CYP27A1: variants seen among roughly 807,000 people sequenced by gnomAD.
The protein encoded by CYP27A1 is cytochrome P450 family 27 subfamily A member 1, also known as sterol 26-hydroxylase, mitochondrial.
A neutral mutation model predicts 58.2 loss-of-function variants in CYP27A1; 46 were observed. The ratio of observed to expected loss-of-function variants is 0.79; its 90% CI spans 0.62 to 1.01. The LOEUF is 1.01. CYP27A1 is among the 50% of genes least tolerant of loss of function. The probability of loss-of-function intolerance (pLI) is 0.00; values close to 1 mark genes in which losing one functional copy is unlikely to be tolerated. For synonymous variants in CYP27A1, 274 were observed against 285.1 expected, an observed-to-expected ratio of 0.96 and a Z score of 0.39; for missense variants, 704 against 687.0, an observed-to-expected ratio of 1.02 and a Z score of -0.28.
At chr2:218,787,570 C>T (rs1943451908) in intron 1 of CYP27A1, among the ~76,000 whole-genome samples, 1 of 152,184 alleles carries the variant, frequency 6.6e-6, no homozygotes. Flanking sequence ...GAAACTCGAT[C>T]TCCAATGCAA....
chr2:218,812,141 T>C, intron 2 of CYP27A1, 81 bp from the exon 3 acceptor site: 2 of 1,048,458 alleles, frequency 1.9e-6, no homozygotes, highest in East Asian at 4.8e-5. Context: ...GAGGGGGTGG[T>C]GGACTTCAGG....
At chr2:218,795,284 C>T (rs915414175) in intron 1 of CYP27A1, among the ~76,000 whole-genome samples, 12 of 152,202 alleles carry the variant, frequency 7.9e-5, no homozygotes, top group East Asian at 1.9e-4. Flanking sequence ...GGCTTTGACC[C>T]GAAGCTTGGA....
Position 218,814,744 on chromosome 2 carries a change from T to C in CYP27A1, c.1463T>C (p.Leu488Pro), listed in dbSNP as rs770631423. The change falls in exon 8 of 9, where the codon CTA becomes CCA. Residue 488 changes from leucine (L) to proline (P), a missense_variant. Coordinates refer to ENST00000258415, the MANE Select transcript of CYP27A1 (RefSeq NM_000784.4). ...GRRIAELEMQ[L>P]LLARLIQKYK... ...AGGATTGCAGAGCTGGAGATGCAGC[T>C]ACTCCTCGCAAGGGTGAGCTGGGAG... The C allele has an allele frequency of 3.7e-6, 6 of 1,613,994 alleles. No homozygotes were observed. The highest frequency in any genetic ancestry group is 1.7e-5 in the Admixed American group (1 of 60,000).
chr2:218,810,373 A>C (rs927132858), intron 2 of CYP27A1, among the ~76,000 whole-genome samples: 1 of 152,204 alleles, frequency 6.6e-6, no homozygotes, highest in African/African-American at 2.4e-5. Flanking sequence ...CACCTATGAC[A>C]TGACAGCTCA....
chr2:218,803,515 C>T (rs1251956132), intron 1 of CYP27A1, among the ~76,000 whole-genome samples: 1 of 151,994 alleles, frequency 6.6e-6, no homozygotes, highest in Non-Finnish European at 1.5e-5. Flanking sequence ...CCTCTGCCTC[C>T]CAGGTTCAAG....
At chr2:218,798,395 A>G (rs1323009172) in intron 1 of CYP27A1, among the ~76,000 whole-genome samples, 1 of 152,188 alleles carries the variant, frequency 6.6e-6, no homozygotes, top group African/African-American at 2.4e-5. Context: ...ACATGTTATA[A>G]TGGTAACTCC....
intron 1 of CYP27A1, among the ~76,000 whole-genome samples, chr2:218,798,499 G>A (rs1027527451): frequency 2.0e-5 from 3 of 152,168 alleles, no homozygotes; most frequent in Admixed American, 2.0e-4. Context: ...TAAGGGTGTG[G>A]TTAATTCCAT....
At chr2:218,801,765 A>G (rs1943601853) in intron 1 of CYP27A1, among the ~76,000 whole-genome samples, 1 of 151,924 alleles carries the variant, frequency 6.6e-6, no homozygotes, top group Non-Finnish European at 1.5e-5. Context: ...CTATTTTTCT[A>G]ACGAGTTTTT....
intron 1 of CYP27A1, among the ~76,000 whole-genome samples, chr2:218,803,450 C>T (rs949970552): frequency 2.6e-5 from 4 of 151,678 alleles, no homozygotes; most frequent in African/African-American, 7.3e-5. Flanking sequence ...TTTTTGAGAC[C>T]GAGTCTCGTT....
At chr2:218,814,882 C>T (rs1177266088) in intron 8 of CYP27A1, 29 bp from the exon 9 acceptor site, 1 of 1,614,180 alleles carries the variant, frequency 6.2e-7, no homozygotes. Flanking sequence ...ACACAATCCA[C>T]CCAACCACAT....
In CYP27A1 at chr2:218,815,053, G is replaced by A; in HGVS notation, c.*23G>A. On this transcript the variant is annotated 3_prime_UTR_variant, in exon 9 of 9. Coordinates refer to ENST00000258415, the MANE Select transcript of CYP27A1 (RefSeq NM_000784.4). Reference sequence around the variant, plus strand: ...TGAGCTGAGTCTCCGCCTTGCTGGGGCTTGTCCTAGAGGCTCCAGCTCTGG... The same window carrying A: ...TGAGCTGAGTCTCCGCCTTGCTGGGACTTGTCCTAGAGGCTCCAGCTCTGG... 1 of 1,614,068 alleles carries A rather than the reference G, an allele frequency of 6.2e-7. No individual in the cohort carries two copies. The highest frequency in any genetic ancestry group is 1.1e-5 in the South Asian group (1 of 91,032).
rs748075933 is a variant in CYP27A1, at chr2:218,812,625, C to T, written c.720C>T (p.Phe240=). ...QRSIPEDTVT[F]VRSIGLMFQN... is the part of the protein sequence containing the mutation. Reference sequence around the variant, plus strand: ...CCATCCCCGAGGACACCGTGACCTTCGTCAGATCCATCGGGTTAATGTTCC... The same window carrying T: ...CCATCCCCGAGGACACCGTGACCTTTGTCAGATCCATCGGGTTAATGTTCC... Residue 240 remains phenylalanine (F), a synonymous_variant, in exon 4 of 9, where the codon TTC becomes TTT. Transcript: ENST00000258415. The T allele has an allele frequency of 5.6e-6, 9 of 1,614,118 alleles. No homozygotes were observed. The highest frequency in any genetic ancestry group is 3.3e-5 in the Admixed American group (2 of 60,018).
At chr2:218,786,183 G>A (rs1371579457) in intron 1 of CYP27A1, among the ~76,000 whole-genome samples, 1 of 152,224 alleles carries the variant, frequency 6.6e-6, no homozygotes, top group East Asian at 1.9e-4. Context: ...TCTTGCAGGA[G>A]TTGGTTGACT....
intron 2 of CYP27A1, among the ~76,000 whole-genome samples, chr2:218,810,876 G>A (rs921568887): frequency 1.3e-4 from 20 of 152,082 alleles, no homozygotes; most frequent in African/African-American, 3.1e-4. Flanking sequence ...GACTGGGTGC[G>A]GTGGCTCACG....
At position 218,812,250 on chromosome 2, in the gene CYP27A1, C is replaced by T. The variant is rs72551314; in HGVS notation, c.475C>T (p.Gln159Ter). The T allele has an allele frequency of 6.2e-6, 10 of 1,614,074 alleles. No individual in the cohort carries two copies. Among genetic ancestry groups the T allele is most frequent in the Non-Finnish European group, 8.5e-6 (10 of 1,180,026 alleles). The change falls in exon 3 of 9, where the codon CAG (glutamine) becomes TAG (stop). Residue 159 changes from glutamine to a stop codon, truncating the protein, a stop_gained. Coordinates refer to ENST00000258415, the MANE Select transcript of CYP27A1 (RefSeq NM_000784.4). LOFTEE classifies it high-confidence loss of function. ...TEGHHWYQLR[Q>*]ALNQRLLKPA... The stretch of plus-strand genomic sequence containing the variant: ...AGGACACCACTGGTACCAGCTGCGC[C>T]AGGCTCTGAACCAGCGGTTGCTGAA...
At chr2:218,788,239 C>A (rs949880064) in intron 1 of CYP27A1, among the ~76,000 whole-genome samples, 13 of 152,204 alleles carry the variant, frequency 8.5e-5, no homozygotes, top group African/African-American at 3.1e-4. Context: ...AGCTGGTTAT[C>A]TTTCTCTCTT....
At chr2:218,793,768 G>A (rs1186073878) in intron 1 of CYP27A1, among the ~76,000 whole-genome samples, 3 of 148,260 alleles carry the variant, frequency 2.0e-5, no homozygotes, top group Non-Finnish European at 4.4e-5. Flanking sequence ...AGGCTGGAGT[G>A]CAGTTGCACC....
intron 1 of CYP27A1, among the ~76,000 whole-genome samples, chr2:218,787,855 C>T (rs1292481122): frequency 5.3e-5 from 8 of 152,200 alleles, no homozygotes; most frequent in Non-Finnish European, 8.8e-5. Context: ...CAATACAAAA[C>T]GACTAAGACA....
At position 218,812,990 on chromosome 2, in the gene CYP27A1, G is replaced by A. The variant is rs1376545272; in HGVS notation, c.911G>A (p.Gly304Asp). 5.0e-6 allele frequency: 8 copies of A among 1,614,204 alleles called. No homozygotes were observed. Among genetic ancestry groups the A allele is most frequent in the East Asian group, 2.2e-5 (1 of 44,884 alleles). Residue 304 changes from glycine (G) to aspartate (D), a missense_variant, in exon 5 of 9, where the codon GGC (glycine) becomes GAC (aspartate). Coordinates refer to ENST00000258415, the MANE Select transcript of CYP27A1 (RefSeq NM_000784.4). ...CAACTGCAGGCAGCAGGGCCAGATG[G>A]CATCCAGGTGTCTGGCTACCTGCAC... ...EAQLQAAGPD[G>D]IQVSGYLHFL...
Sources: gnomAD v4.1 joint callset for allele counts (sites outside exome capture counted in the v4.1 genomes callset) on GRCh38, gnomAD v4.1.1 for gene constraint, MANE v1.5 for transcripts, NCBI Gene and HGNC (gene_info 2026-07-23, HGNC 2026-07-21) for gene names.